IGDCC3: variants seen among roughly 807,000 people sequenced by gnomAD.
IGDCC3 encodes immunoglobulin superfamily DCC subclass member 3, also known as putative neuronal cell adhesion molecule.
Under a neutral mutation model 72.0 loss-of-function variants are expected in IGDCC3, and 47 were observed. The observed-to-expected ratio is 0.65, with a 90% CI of 0.52 to 0.83. The LOEUF is 0.83. Ranked by LOEUF, IGDCC3 falls within the 40% of genes least tolerant of loss-of-function variation. The probability of loss-of-function intolerance (pLI) is 0.00; values close to 1 mark genes in which losing one functional copy is unlikely to be tolerated. For synonymous variants in IGDCC3, 477 were observed against 472.8 expected, an observed-to-expected ratio of 1.01 and a Z score of -0.11; for missense variants, 1,038 against 1,091.3, an observed-to-expected ratio of 0.95 and a Z score of 0.69.
intron 2 of IGDCC3, among the ~76,000 whole-genome samples, chr15:65,370,604 G>GTATA (rs201787651): frequency 6.6e-5 from 7 of 105,746 alleles, no homozygotes; most frequent in African/African-American, 2.4e-4. Flanking sequence ...ATATGTATGT[G>GTATA]TATATATATG....
chr15:65,366,421 G>A (rs916623088), intron 2 of IGDCC3, among the ~76,000 whole-genome samples: 4 of 152,084 alleles, frequency 2.6e-5, no homozygotes, highest in Non-Finnish European at 4.4e-5. Context: ...GAAAGAGAAG[G>A]AGGGAGGAGG....
chr15:65,377,094 T>C lies in IGDCC3; in HGVS notation c.103+592A>G, dbSNP rs868390419. 8.5e-5 allele frequency among the ~76,000 whole-genome samples: 13 copies of C among 152,114 alleles called. No individual in the cohort carries two copies. Among genetic ancestry groups the C allele is most frequent in the African/African-American group, 2.9e-4 (12 of 41,426 alleles). On this transcript the variant is annotated intron_variant, in intron 1 of 13. Transcript: ENST00000327987. The surrounding 1 kb of genome is among the most constrained non-coding windows in gnomAD (Gnocchi z 4.9). ...TTTCGGTGGCTTCTCCTCTCCTTCT[T>C]GGCTCACGGGCTCTGTCCCGGGTCG...
intron 6 of IGDCC3, 99 bp from the exon 7 acceptor site, chr15:65,332,205 G>T: frequency 7.3e-7 from 1 of 1,378,352 alleles, no homozygotes; most frequent in South Asian, 1.4e-5. Context: ...TACACAGGGT[G>T]AGAGGTGGGC....
intron 1 of IGDCC3, among the ~76,000 whole-genome samples, chr15:65,376,988 G>A (rs1198916460): frequency 3.3e-5 from 5 of 152,160 alleles, no homozygotes; most frequent in Admixed American, 6.5e-5. Context: ...GACCGCGAGA[G>A]CCAGGGCAAG....
intron 2 of IGDCC3, among the ~76,000 whole-genome samples, chr15:65,341,143 AAG>A (rs1286237637): frequency 1.3e-5 from 2 of 152,228 alleles, no homozygotes; most frequent in Admixed American, 6.5e-5. Context: ...GTATTAAAAA[AAG>A]AGAGAGAGAA....
rs567160331 is a variant in IGDCC3 at position 65,342,791 on chromosome 15, A to G, written c.410-6835T>C. 9.3e-4 allele frequency among the ~76,000 whole-genome samples: 142 copies of G among 152,242 alleles called. 1 individual carries two copies. Among genetic ancestry groups the G allele is most frequent in the South Asian group, 8.5e-3 (41 of 4,830 alleles). On this transcript the variant is annotated intron_variant, in intron 2 of 13. Coordinates refer to ENST00000327987, the MANE Select transcript of IGDCC3 (RefSeq NM_004884.4). ...CGCTGCAGGGCAGGGAAGGCCTCAC[A>G]TGGAAAGATTTCTGTTCCCAGTGGG...
chr15:65,345,947 G>A (rs550551134), intron 2 of IGDCC3, among the ~76,000 whole-genome samples: 9 of 152,244 alleles, frequency 5.9e-5, no homozygotes, highest in Admixed American at 2.0e-4. Context: ...TGTCCTCAGC[G>A]GGGAAATACA....
rs12907128 is a variant in IGDCC3, at chr15:65,329,103, C to T, written c.2251G>A (p.Val751Met). 10 of 1,608,916 alleles carry T rather than the reference C, an allele frequency of 6.2e-6. No homozygotes were observed. Among genetic ancestry groups the T allele is most frequent in the South Asian group, 1.1e-5 (1 of 90,520 alleles). The stretch of plus-strand genomic sequence containing the variant: ...AGGCCGCACCCCTGAAGTGGCAGCA[C>T]GGAGAGCTGGGTCTCCTCACACGGA... ...PAPCEETQLS[V>M]LPLQGCGLME... Residue 751 changes from valine to methionine, a missense_variant, in exon 14 of 14, where the codon GTG becomes ATG. Transcript: ENST00000327987. This position sits in a 1 kb window ranked among gnomAD's most constrained non-coding sequence, Gnocchi z 4.1.
chr15:65,335,232 G>T (rs1465389669), intron 4 of IGDCC3, 59 bp downstream of exon 4: 1 of 1,552,804 alleles, frequency 6.4e-7, no homozygotes, highest in South Asian at 1.2e-5. Flanking sequence ...TGATCTAAGG[G>T]TAGGGAGGAG....
rs1595747048 is a variant in IGDCC3 at position 65,328,404 on chromosome 15, G to C, written c.*505C>G. 1 of 151,796 alleles carries C rather than the reference G, an allele frequency of 6.6e-6. No homozygotes were observed. Among genetic ancestry groups the C allele is most frequent in the African/African-American group, 2.4e-5 (1 of 41,164 alleles). 9.4% of individuals were successfully genotyped at this position (151,796 alleles called of 1,614,324 possible). On this transcript the variant is annotated 3_prime_UTR_variant, in exon 14 of 14. Coordinates refer to ENST00000327987, the MANE Select transcript of IGDCC3 (RefSeq NM_004884.4). ...TGCATTCGGGCTCTGTGGGGTAAGG[G>C]GGCTGAGGCCACCGCCCCACTGCCC...
chr15:65,364,541 A>G (rs1291183751), intron 2 of IGDCC3, among the ~76,000 whole-genome samples: 2 of 152,172 alleles, frequency 1.3e-5, no homozygotes, highest in Non-Finnish European at 2.9e-5. Context: ...TCAGGAGCCC[A>G]CATCCAAGGC....
At chr15:65,341,282 A>C (rs1384952546) in intron 2 of IGDCC3, among the ~76,000 whole-genome samples, 3 of 152,240 alleles carry the variant, frequency 2.0e-5, no homozygotes, top group Non-Finnish European at 4.4e-5. Flanking sequence ...GTTGGTGGGG[A>C]TGTAAAACGG....
intron 2 of IGDCC3, among the ~76,000 whole-genome samples, chr15:65,370,720 C>CT (rs2091321114): frequency 6.7e-6 from 1 of 149,098 alleles, no homozygotes. Context: ...TGCACATTAT[C>CT]ATAGGTAATC....
intron 2 of IGDCC3, among the ~76,000 whole-genome samples, chr15:65,344,247 G>T (rs1395398138): frequency 6.6e-6 from 1 of 152,042 alleles, no homozygotes; most frequent in Non-Finnish European, 1.5e-5. Context: ...TGGCTTCACT[G>T]GGGGTGACTG....
At chr15:65,361,634 G>C (rs2091262448) in intron 2 of IGDCC3, among the ~76,000 whole-genome samples, 1 of 152,102 alleles carries the variant, frequency 6.6e-6, no homozygotes, top group South Asian at 2.1e-4. Context: ...CAGCCTAGAA[G>C]AGTAGTGAAA....
At chr15:65,335,490 G>A in intron 3 of IGDCC3, 69 bp from the exon 4 acceptor site, 2 of 1,505,186 alleles carry the variant, frequency 1.3e-6, no homozygotes, top group Middle Eastern at 1.8e-4. Flanking sequence ...AAGACTCTGG[G>A]CATCCAAGAT....
At chr15:65,376,959 C>G (rs941637901) in intron 1 of IGDCC3, among the ~76,000 whole-genome samples, 18 of 152,150 alleles carry the variant, frequency 1.2e-4, no homozygotes, top group African/African-American at 4.3e-4. Context: ...GAGCCGAGCT[C>G]CAGGCAGCAG....
intron 2 of IGDCC3, among the ~76,000 whole-genome samples, chr15:65,362,458 A>G (rs2091267540): frequency 6.8e-6 from 1 of 148,060 alleles, no homozygotes; most frequent in Non-Finnish European, 1.5e-5. Flanking sequence ...CAGAGGAGGT[A>G]TCCCCTCCAA....
chr15:65,332,074 T>A lies in IGDCC3; in HGVS notation c.1015A>T (p.Ile339Phe). 6.2e-7 allele frequency: 1 copy of A among 1,613,964 alleles called. No homozygotes were observed. The highest frequency in any genetic ancestry group is 8.5e-7 in the Non-Finnish European group (1 of 1,179,978). Residue 339 changes from isoleucine (I) to phenylalanine (F), a missense_variant, in exon 7 of 14, where the codon ATC becomes TTC. Transcript: ENST00000327987. ...PAEFVQHPQSISRPAGTTAMF... is the reference protein window; with the variant it reads ...PAEFVQHPQSFSRPAGTTAMF... The stretch of plus-strand genomic sequence containing the variant: ...GCTGTGGTCCCAGCTGGCCTGGAGA[T>A]GGACTGGGGATGCTGCACAAACTCA...
Sources: gnomAD v4.1 joint callset for allele counts (sites outside exome capture counted in the v4.1 genomes callset) on GRCh38, gnomAD v4.1.1 for gene constraint, Gnocchi (gnomAD v3.1) non-coding constraint, MANE v1.5 for transcripts, NCBI Gene and HGNC (gene_info 2026-07-23, HGNC 2026-07-21) for gene names.